ART1: variants seen among roughly 807,000 people sequenced by gnomAD.
ART1 encodes ADP-ribosyltransferase 1.
Under a neutral mutation model 27.0 loss-of-function variants are expected in ART1, and 29 were observed. That is an observed-to-expected ratio of 1.08 (90% CI 0.80 to 1.47). ART1 has a LOEUF of 1.47. Ranked by LOEUF, ART1 falls within the 40% of genes most tolerant of loss-of-function variation. ART1 has a pLI of 0.00. For synonymous variants in ART1, 201 were observed against 172.2 expected, an observed-to-expected ratio of 1.17 and a Z score of -1.31; for missense variants, 480 against 423.0, an observed-to-expected ratio of 1.13 and a Z score of -1.18.
chr11:3,660,039 T>C lies in ART1; in HGVS notation c.520T>C (p.Cys174Arg). ...LLGSGQRPPR[C>R]HQVFRGVHGL... ...GGGCAGCGGCCAGCGTCCACCCCGGTGCCACCAGGTGTTCCGAGGTGTGCA... is the reference window on the plus strand; with the variant it reads ...GGGCAGCGGCCAGCGTCCACCCCGGCGCCACCAGGTGTTCCGAGGTGTGCA... Residue 174 changes from cysteine to arginine, a missense_variant, in exon 3 of 5, where the codon TGC becomes CGC. Cys to Arg is a radical substitution (Grantham distance 180). Transcript: ENST00000250693. 6.2e-7 allele frequency: 1 copy of C among 1,613,698 alleles called. No homozygotes were observed. The highest frequency in any genetic ancestry group is 2.2e-5 in the East Asian group (1 of 44,866).
intron 4 of ART1, among the ~76,000 whole-genome samples, chr11:3,663,577 C>T (rs1048385047): frequency 1.3e-5 from 2 of 152,136 alleles, no homozygotes; most frequent in African/African-American, 4.8e-5. Flanking sequence ...TGTCTACCTT[C>T]CTAAATTCTT....
At chr11:3,661,846 T>C (rs1256454497) in intron 4 of ART1, among the ~76,000 whole-genome samples, 1 of 152,128 alleles carries the variant, frequency 6.6e-6, no homozygotes, top group African/African-American at 2.4e-5. Context: ...TAAAAAAAAG[T>C]GCACTAGCTG....
intron 1 of ART1, among the ~76,000 whole-genome samples, chr11:3,656,013 A>G (rs147477152): frequency 0.032 from 4,649 of 147,012 alleles, 259 homozygotes; most frequent in African/African-American, 0.11. Context: ...GGTCACTGCA[A>G]CCTCCACCTC....
At chr11:3,651,564 G>A (rs544006204) in intron 1 of ART1, among the ~76,000 whole-genome samples, 3 of 150,354 alleles carry the variant, frequency 2.0e-5, no homozygotes, top group Non-Finnish European at 4.4e-5. Context: ...TTTTAGCCTA[G>A]CCCTCATGTC....
At chr11:3,652,896 T>C (rs536373948) in intron 1 of ART1, among the ~76,000 whole-genome samples, 4 of 150,294 alleles carry the variant, frequency 2.7e-5, no homozygotes, top group Non-Finnish European at 4.4e-5. Flanking sequence ...TCAGATGTCC[T>C]AGGTCCTCCC....
At position 3,664,266 on chromosome 11, in the gene ART1, A is replaced by T; in HGVS notation, c.*77A>T. Reference sequence around the variant, plus strand: ...GTTGGCCATGTGTGCTTTCAGTGTAACCAAGATTCCTGTCAATCCCATCTG... The same window carrying T: ...GTTGGCCATGTGTGCTTTCAGTGTATCCAAGATTCCTGTCAATCCCATCTG... On this transcript the variant is annotated 3_prime_UTR_variant, in exon 5 of 5. Transcript: ENST00000250693. 1 of 1,404,968 alleles carries T rather than the reference A, an allele frequency of 7.1e-7. No individual in the cohort carries two copies. The highest frequency in any genetic ancestry group is 1.2e-5 in the South Asian group (1 of 84,656). 87.0% of individuals were successfully genotyped at this position (1,404,968 alleles called of 1,614,324 possible). A position where few individuals can be genotyped will look rare whatever the true frequency, so the allele number is the denominator to read the frequency against.
intron 1 of ART1, among the ~76,000 whole-genome samples, chr11:3,657,069 A>C (rs547263913): frequency 1.3e-4 from 20 of 152,336 alleles, no homozygotes; most frequent in African/African-American, 4.6e-4. Flanking sequence ...AGAGTCACTG[A>C]ACTATCCAAA....
chr11:3,656,651 C>T (rs1397070343), intron 1 of ART1, among the ~76,000 whole-genome samples: 4 of 151,992 alleles, frequency 2.6e-5, no homozygotes, highest in Admixed American at 2.0e-4. Context: ...CGGAGTTGTC[C>T]GGATGTATTT....
At chr11:3,663,089 ATCATCTCATCTCATCTCATC>A (rs58565508) in intron 4 of ART1, among the ~76,000 whole-genome samples, 23 of 87,116 alleles carry the variant, frequency 2.6e-4, no homozygotes, top group Middle Eastern at 5.6e-3. Flanking sequence ...ATCTCATCTC[ATCATCTCATCTCATCTCATC>A]TCATCTCATC....
chr11:3,664,368 CT>C lies in ART1; in HGVS notation c.*181del. 1 of 617,236 alleles carries C rather than the reference CT, an allele frequency of 1.6e-6. No homozygotes were observed. Among genetic ancestry groups the C allele is most frequent in the Non-Finnish European group, 2.8e-6 (1 of 351,714 alleles). The allele number at this position is 617,236 out of a possible 1,614,324, so 38.2% of individuals were successfully genotyped here. ...ACAGGAGACAATCTGGGGACTGAACCTTACCCAGGGCTGTAGGAGTGAGACT... is the reference window on the plus strand; with the variant it reads ...ACAGGAGACAATCTGGGGACTGAACCTACCCAGGGCTGTAGGAGTGAGACT... On this transcript the variant is annotated 3_prime_UTR_variant, in exon 5 of 5. Coordinates refer to ENST00000250693, the MANE Select transcript of ART1 (RefSeq NM_004314.3).
chr11:3,656,465 C>T (rs888046368), intron 1 of ART1, among the ~76,000 whole-genome samples: 1 of 152,106 alleles, frequency 6.6e-6, no homozygotes, highest in African/African-American at 2.4e-5. Context: ...TCACTGCAAC[C>T]TCCGCTTCCT....
At chr11:3,664,007 A>G in intron 4 of ART1, 85 bp from the exon 5 acceptor site, 2 of 1,277,142 alleles carry the variant, frequency 1.6e-6, no homozygotes, top group Non-Finnish European at 1.1e-6. Context: ...TTGTATCTGC[A>G]TGTCCCCACT....
rs751116037 is a variant in ART1, at chr11:3,663,089, A to ATC, written c.887-1002_887-1001dup. ...TCATCTCATCTCATCATCTCATCTCATCATCTCATCTCATCTCATCTCATC... is the reference window on the plus strand; with the variant it reads ...TCATCTCATCTCATCATCTCATCTCATCTCATCTCATCTCATCTCATCTCATC... On this transcript the variant is annotated intron_variant, in intron 4 of 4. Coordinates refer to ENST00000250693, the MANE Select transcript of ART1 (RefSeq NM_004314.3). Among the ~76,000 whole-genome samples the ATC allele has an allele frequency of 1.1e-3, 98 of 87,070 alleles. 1 individual carries two copies. Among genetic ancestry groups the ATC allele is most frequent in the Middle Eastern group, 5.6e-3 (1 of 178 alleles). 57.1% of individuals were successfully genotyped at this position (87,070 alleles called of 152,430 possible).
At chr11:3,650,514 T>C (rs992676267) in intron 1 of ART1, among the ~76,000 whole-genome samples, 8 of 152,188 alleles carry the variant, frequency 5.3e-5, no homozygotes, top group African/African-American at 9.7e-5. Context: ...TTAATCAATA[T>C]GGAGGCTACC....
Position 3,653,119 on chromosome 11 carries a change from T to G in ART1, c.-52-6043T>G, listed in dbSNP as rs1327983195. Among the ~76,000 whole-genome samples the G allele has an allele frequency of 2.0e-5, 3 of 148,502 alleles. 1 individual carries two copies. The highest frequency in any genetic ancestry group is 7.8e-5 in the African/African-American group (3 of 38,470). On this transcript the variant is annotated intron_variant, in intron 1 of 4. Transcript: ENST00000250693. ...ACGCTGCCCCTAATCAAAGCAGCCC[T>G]GAGAAACATCGCCCATTATCTCTCC...
In ART1 at chr11:3,661,415, T is replaced by TA. The variant is rs754249217; in HGVS notation, c.886+4dup. On this transcript the variant is annotated splice_region_variant and intron_variant, in intron 4 of 4. Transcript: ENST00000250693. ...GGCCTTGCCATCTGGATAATTCAGG[T>TA]AAGGGCTGCAGGCACCTGTGGGACT... The TA allele has an allele frequency of 4.3e-6, 7 of 1,609,314 alleles. No homozygotes were observed. The South Asian group carries it at 7.7e-5, about 18-fold the overall frequency.
chr11:3,652,127 G>C (rs185716934), intron 1 of ART1, among the ~76,000 whole-genome samples: 4,147 of 148,944 alleles, frequency 0.028, 102 homozygotes, highest in South Asian at 0.095. Flanking sequence ...CATCAAGCTC[G>C]AGGATTTGCC....
chr11:3,648,581 G>C (rs183331687), intron 1 of ART1, among the ~76,000 whole-genome samples: 221 of 152,018 alleles, frequency 1.5e-3, no homozygotes, highest in African/African-American at 5.0e-3. Flanking sequence ...TCATTTTCTG[G>C]TAGAGACAAA....
At chr11:3,653,042 C>A (rs2077538097) in intron 1 of ART1, among the ~76,000 whole-genome samples, 1 of 148,084 alleles carries the variant, frequency 6.8e-6, no homozygotes, top group Admixed American at 6.6e-5. Context: ...CACAATATCA[C>A]CCCTTACCAC....
Sources: gnomAD v4.1 joint callset for allele counts (sites outside exome capture counted in the v4.1 genomes callset) on GRCh38, gnomAD v4.1.1 for gene constraint, MANE v1.5 for transcripts, NCBI Gene and HGNC (gene_info 2026-07-23, HGNC 2026-07-21) for gene names.